CCDC82: variants seen among roughly 807,000 people sequenced by gnomAD.
The protein encoded by CCDC82 is coiled-coil domain-containing protein 82.
A neutral mutation model predicts 60.6 loss-of-function variants in CCDC82; 47 were observed. The observed-to-expected ratio is 0.77, with a 90% CI of 0.61 to 0.99. The LOEUF (loss-of-function observed/expected upper bound fraction) is 0.99, where lower values mean the gene tolerates loss of function less well. Among genes scored for constraint, CCDC82 ranks in the 50% least tolerant of loss-of-function variants. The pLI is 0.00. For missense variants in CCDC82, 588 were observed against 633.0 expected (o/e 0.93, Z 0.76); for synonymous variants, 212 against 207.4 (o/e 1.02, Z -0.19).
chr11:96,372,385 C>T (rs11603406), intron 6 of CCDC82, among the ~76,000 whole-genome samples: 38 of 151,676 alleles, frequency 2.5e-4, no homozygotes, highest in African/African-American at 8.0e-4. Flanking sequence ...TTTGTTTACT[C>T]ATTTATTGTC....
At chr11:96,380,613 CA>C (rs1865825590) in intron 5 of CCDC82, 1 of 151,708 alleles carries the variant, frequency 6.6e-6, no homozygotes, top group Admixed American at 6.6e-5. Flanking sequence ...AATGGATGAA[CA>C]AAACTGTGGT....
Position 96,364,939 on chromosome 11 carries a change from T to C in CCDC82, c.1380+41A>G, listed in dbSNP as rs761239630. The C allele has an allele frequency of 3.9e-6, 6 of 1,530,190 alleles. No homozygotes were observed. In the East Asian group the frequency reaches 9.5e-5, roughly 24 times the overall value. The allele number at this position is 1,530,190 out of a possible 1,614,324, so 94.8% of individuals were successfully genotyped here. On this transcript the variant is annotated intron_variant, in intron 8 of 9. Coordinates refer to ENST00000646818, the MANE Select transcript of CCDC82 (RefSeq NM_024725.4). ...CTTAGGATTATTTATGAAATAAAAA[T>C]TTCTAAATACTGAAAATTAAGATTA...
intron 7 of CCDC82, among the ~76,000 whole-genome samples, chr11:96,367,505 TATC>T (rs1353725952): frequency 1.3e-5 from 2 of 152,238 alleles, no homozygotes; most frequent in African/African-American, 4.8e-5. Flanking sequence ...ATTCAATTTT[TATC>T]ATGAGATTGC....
intron 9 of CCDC82, chr11:96,354,705 T>C (rs1222246381): frequency 6.6e-6 from 1 of 152,004 alleles, no homozygotes; most frequent in African/African-American, 2.4e-5. Context: ...GTTGACAGAG[T>C]AGAATAATGG....
chr11:96,354,373 C>A (rs1272352147), intron 9 of CCDC82: 1 of 152,102 alleles, frequency 6.6e-6, no homozygotes, highest in Non-Finnish European at 1.5e-5. Context: ...TTTAGGAGAA[C>A]AGAGAGAGCT....
At chr11:96,361,240 G>T (rs1864646835) in intron 8 of CCDC82, among the ~76,000 whole-genome samples, 1 of 152,252 alleles carries the variant, frequency 6.6e-6, no homozygotes, top group East Asian at 1.9e-4. Flanking sequence ...AAAGTGATTT[G>T]TATTTCTTTC....
intron 3 of CCDC82, chr11:96,385,391 A>G (rs528084009): frequency 1.3e-5 from 2 of 152,476 alleles, no homozygotes; most frequent in Non-Finnish European, 2.9e-5. Flanking sequence ...TAGAAAACTG[A>G]ATGGGATTAC....
At chr11:96,362,870 A>C (rs1428717786) in intron 8 of CCDC82, among the ~76,000 whole-genome samples, 1 of 152,214 alleles carries the variant, frequency 6.6e-6, no homozygotes, top group Admixed American at 6.5e-5. Context: ...TTAATGTCTC[A>C]ATTTTATGTA....
chr11:96,354,067 T>C, intron 9 of CCDC82: 1 of 175,216 alleles, frequency 5.7e-6, no homozygotes, highest in Non-Finnish European at 1.2e-5. Context: ...CTAATGACTG[T>C]CTAGGTACAG....
intron 5 of CCDC82, chr11:96,380,497 G>A (rs991812112): frequency 2.6e-5 from 4 of 151,742 alleles, no homozygotes; most frequent in East Asian, 1.9e-4. Context: ...TTACCTAAAT[G>A]AGTTGAAAAC....
At chr11:96,354,132 T>G (rs1323510796) in intron 9 of CCDC82, 1 of 155,952 alleles carries the variant, frequency 6.4e-6, no homozygotes, top group East Asian at 1.9e-4. Context: ...TCAGTAGTAA[T>G]ACACCAATAA....
At chr11:96,364,851 T>C (rs1273632850) in intron 8 of CCDC82, 129 bp downstream of exon 8, 6 of 715,878 alleles carry the variant, frequency 8.4e-6, no homozygotes, top group Non-Finnish European at 1.4e-5. Context: ...TACTTGTGGG[T>C]TGCCAATTTG....
intron 9 of CCDC82, chr11:96,358,649 T>C (rs1282410104): frequency 2.5e-5 from 31 of 1,237,356 alleles, no homozygotes; most frequent in Middle Eastern, 3.1e-4. Flanking sequence ...CAAGCAGAGG[T>C]GAGTCCTATA....
chr11:96,364,759 G>A (rs916478144), intron 8 of CCDC82: 9 of 437,264 alleles, frequency 2.1e-5, no homozygotes, highest in African/African-American at 1.6e-4. Flanking sequence ...TCTAGACTCT[G>A]ACATACTTCT....
rs1400059466 is a variant in CCDC82, at chr11:96,359,148, G to A, written c.1411C>T (p.Arg471Cys). 7.6e-6 allele frequency: 12 copies of A among 1,579,510 alleles called. No homozygotes were observed. In the East Asian group the frequency reaches 1.4e-4, roughly 19 times the overall value. Residue 471 changes from arginine to cysteine, a missense_variant, in exon 9 of 10, where the codon CGT (arginine) becomes TGT (cysteine). Coordinates refer to ENST00000646818, the MANE Select transcript of CCDC82 (RefSeq NM_024725.4). Reference sequence around the variant, plus strand: ...TTCAGTTTATGATAAATTCTGGTACGGCTGGCACAAATTCTGCCAACAGTG... The same window carrying A: ...TTCAGTTTATGATAAATTCTGGTACAGCTGGCACAAATTCTGCCAACAGTG... ...VFTVGRICAS[R>C]TRIYHKLKHF...
At position 96,353,456 on chromosome 11, in the gene CCDC82, A is replaced by G. The variant is rs1864182793; in HGVS notation, c.*190T>C. The G allele has an allele frequency of 5.7e-6, 3 of 529,930 alleles. No individual in the cohort carries two copies. The East Asian group carries it at 9.7e-5, about 17-fold the overall frequency. 32.8% of individuals were successfully genotyped at this position (529,930 alleles called of 1,614,324 possible). On this transcript the variant is annotated 3_prime_UTR_variant, in exon 10 of 10. Transcript: ENST00000646818. ...AAAAATTAAGATAATGCTTTTATGT[A>G]CATCAGATAAAAGTTTAATTAGAGT...
At chr11:96,359,430 A>T (rs1244657576) in intron 8 of CCDC82, 1 of 339,488 alleles carries the variant, frequency 2.9e-6, no homozygotes, top group African/African-American at 2.2e-5. Flanking sequence ...GTTTTGAGAG[A>T]AAGACAAATG....
At chr11:96,383,087 T>C (rs1865964450) in intron 5 of CCDC82, 182 bp downstream of exon 5, 1 of 559,668 alleles carries the variant, frequency 1.8e-6, no homozygotes, top group Non-Finnish European at 3.1e-6. Context: ...GGTTAATAAT[T>C]TTGAAAAATG....
intron 6 of CCDC82, among the ~76,000 whole-genome samples, chr11:96,372,686 A>G (rs1865342801): frequency 7.2e-6 from 1 of 139,512 alleles, no homozygotes; most frequent in Non-Finnish European, 1.5e-5. Context: ...ATAAATATAA[A>G]TAAATATATA....
Sources: gnomAD v4.1 joint callset for allele counts (sites outside exome capture counted in the v4.1 genomes callset) on GRCh38, gnomAD v4.1.1 for gene constraint, MANE v1.5 for transcripts, NCBI Gene and HGNC (gene_info 2026-07-23, HGNC 2026-07-21) for gene names.